NAALADL2: variants seen among roughly 807,000 people sequenced by gnomAD.
The protein encoded by NAALADL2 is inactive N-acetylated-alpha-linked acidic dipeptidase-like protein 2.
In NAALADL2, 76 loss-of-function variants were observed where a neutral mutation model predicts 87.2. The observed-to-expected ratio is 0.87, with a 90% CI of 0.72 to 1.05. The LOEUF (loss-of-function observed/expected upper bound fraction) is 1.05, where lower values mean the gene tolerates loss of function less well. Among genes scored for constraint, NAALADL2 ranks in the 50% least tolerant of loss-of-function variants. The pLI is 0.00. For synonymous variants in NAALADL2, 354 were observed against 331.0 expected (o/e 1.07, Z -0.75); for missense variants, 1,089 against 945.8 (o/e 1.15, Z -1.99).
At chr3:175,226,406 C>G (rs767395253) in intron 2 of NAALADL2, among the ~76,000 whole-genome samples, 13 of 151,938 alleles carry the variant, frequency 8.6e-5, no homozygotes, top group Non-Finnish European at 1.8e-4. Context: ...TTTATTTTAC[C>G]CAGATACAGT....
At chr3:175,480,300 A>G (rs531454748) in intron 9 of NAALADL2, among the ~76,000 whole-genome samples, 1 of 90,920 alleles carries the variant, frequency 1.1e-5, no homozygotes, top group South Asian at 4.8e-4. Flanking sequence ...TAATGTTTAC[A>G]ACTCTTTTCT....
chr3:174,845,212 G>A (rs1206954689), intron 3 of NAALADL2, among the ~76,000 whole-genome samples: 1 of 152,286 alleles, frequency 6.6e-6, no homozygotes, highest in East Asian at 1.9e-4. Context: ...TCAGCAAGAT[G>A]GACCACCTCC....
chr3:175,658,390 T>G (rs2149805480), intron 11 of NAALADL2, among the ~76,000 whole-genome samples: 1 of 152,316 alleles, frequency 6.6e-6, no homozygotes, highest in East Asian at 1.9e-4. Context: ...TCTGATAAAT[T>G]TATTTACTGG....
intron 1 of NAALADL2, chr3:174,459,791 A>G (rs1159686702): frequency 1.3e-5 from 2 of 152,144 alleles, no homozygotes; most frequent in Non-Finnish European, 2.9e-5. Context: ...CCTTTTGTTC[A>G]TGTTTTTAAA....
chr3:174,878,444 A>G (rs1728788658), intron 1 of NAALADL2, among the ~76,000 whole-genome samples: 2 of 152,184 alleles, frequency 1.3e-5, no homozygotes, highest in South Asian at 2.1e-4. Context: ...GTGAGCAACT[A>G]TGTTGCTATG....
At chr3:174,819,434 G>T (rs568566482) in intron 3 of NAALADL2, among the ~76,000 whole-genome samples, 1 of 151,680 alleles carries the variant, frequency 6.6e-6, no homozygotes, top group Non-Finnish European at 1.5e-5. Context: ...CAGCAAAAAA[G>T]CAATAATATA....
chr3:175,508,124 A>G (rs1310474070), intron 9 of NAALADL2, among the ~76,000 whole-genome samples: 2 of 152,120 alleles, frequency 1.3e-5, no homozygotes, highest in Non-Finnish European at 1.5e-5. Flanking sequence ...ACATTTTTAA[A>G]CCACCAGATC....
chr3:175,780,395 CAT>C (rs1333358871), intron 13 of NAALADL2, among the ~76,000 whole-genome samples: 5 of 152,010 alleles, frequency 3.3e-5, no homozygotes, highest in Non-Finnish European at 5.9e-5. Flanking sequence ...ATACGTATCA[CAT>C]ATGCAAATTT....
intron 5 of NAALADL2, among the ~76,000 whole-genome samples, chr3:175,413,040 T>C (rs1206148404): frequency 2.0e-5 from 3 of 149,832 alleles, no homozygotes; most frequent in Non-Finnish European, 4.5e-5. Context: ...TGCCTCAGCT[T>C]CCCACGCCCG....
chr3:175,014,510 A>G (rs996174559), intron 1 of NAALADL2, among the ~76,000 whole-genome samples: 6 of 152,320 alleles, frequency 3.9e-5, no homozygotes, highest in African/African-American at 1.4e-4. Context: ...TACATAGAAC[A>G]AAAGTTTGTC....
chr3:174,564,551 A>T (rs181482438), intron 2 of NAALADL2, among the ~76,000 whole-genome samples: 1 of 152,160 alleles, frequency 6.6e-6, no homozygotes, highest in Non-Finnish European at 1.5e-5. Context: ...CATTTCTATA[A>T]CTGTTAATTT....
intron 4 of NAALADL2, among the ~76,000 whole-genome samples, chr3:175,309,279 G>A (rs993398480): frequency 6.6e-6 from 1 of 151,756 alleles, no homozygotes; most frequent in Admixed American, 6.6e-5. Context: ...TCTACCTCCC[G>A]GGTTCAAGTG....
intron 1 of NAALADL2, among the ~76,000 whole-genome samples, chr3:174,896,349 T>A (rs1410975153): frequency 6.6e-6 from 1 of 151,850 alleles, no homozygotes; most frequent in East Asian, 1.9e-4. Context: ...GGATAAAAAA[T>A]CAATATACAT....
At chr3:174,684,417 CATAA>C (rs915843047) in intron 2 of NAALADL2, among the ~76,000 whole-genome samples, 9 of 151,998 alleles carry the variant, frequency 5.9e-5, no homozygotes, top group African/African-American at 2.2e-4. Flanking sequence ...AAATTATTCC[CATAA>C]GTGTCTGTTA....
At chr3:174,467,222 C>T (rs146082020) in intron 1 of NAALADL2, among the ~76,000 whole-genome samples, 1 of 152,250 alleles carries the variant, frequency 6.6e-6, no homozygotes, top group East Asian at 1.9e-4. Flanking sequence ...ATGACATTTT[C>T]ATTTCAGCAG....
At chr3:175,338,649 ACACACACACAC>A in intron 5 of NAALADL2, among the ~76,000 whole-genome samples, 1 of 150,102 alleles carries the variant, frequency 6.7e-6, no homozygotes, top group Admixed American at 6.7e-5. Flanking sequence ...ACACACACAC[ACACACACACAC>A]ACAAACAAAC....
At position 175,066,093 on chromosome 3, in the gene NAALADL2, G is replaced by T. The variant is rs373803905; in HGVS notation, c.44-30697G>T. On this transcript the variant is annotated intron_variant, in intron 1 of 13. Coordinates refer to ENST00000454872, the MANE Select transcript of NAALADL2 (RefSeq NM_207015.3). ...ACTGCAGAGAACAAGTGGAAATCCT[G>T]AAATGTAGCCACTCTGCAATCACTG... Among the ~76,000 whole-genome samples, 45 of 152,202 alleles carry T rather than the reference G, an allele frequency of 3.0e-4. No individual in the cohort carries two copies. In the East Asian group the frequency reaches 6.8e-3, roughly 23 times the overall value.
chr3:175,454,018 G>A (rs937791930), intron 6 of NAALADL2, among the ~76,000 whole-genome samples: 1 of 151,942 alleles, frequency 6.6e-6, no homozygotes, highest in Non-Finnish European at 1.5e-5. Context: ...TAATTTTGGA[G>A]CACTGTTTGT....
intron 2 of NAALADL2, among the ~76,000 whole-genome samples, chr3:175,193,055 C>G (rs577654360): frequency 6.6e-6 from 1 of 151,930 alleles, no homozygotes; most frequent in African/African-American, 2.4e-5. Flanking sequence ...GAATACTACT[C>G]AGATTGTTGA....
Sources: gnomAD v4.1 joint callset for allele counts (sites outside exome capture counted in the v4.1 genomes callset) on GRCh38, gnomAD v4.1.1 for gene constraint, MANE v1.5 for transcripts, NCBI Gene and HGNC (gene_info 2026-07-23, HGNC 2026-07-21) for gene names.